Variants in EDAR observed in about 807,000 individuals in gnomAD.
EDAR encodes ectodysplasin A receptor.
Under a neutral mutation model 51.3 loss-of-function variants are expected in EDAR, and 38 were observed. The ratio of observed to expected loss-of-function variants is 0.74; its 90% CI spans 0.57 to 0.97. EDAR has a LOEUF of 0.97. EDAR is among the 50% of genes least tolerant of loss of function. EDAR has a pLI of 0.00. For missense variants in EDAR, 528 were observed against 595.0 expected, an observed-to-expected ratio of 0.89 and a Z score of 1.17; for synonymous variants, 227 against 242.1, an observed-to-expected ratio of 0.94 and a Z score of 0.58.
chr2:108,968,146 G>A (rs1041332642), intron 1 of EDAR, among the ~76,000 whole-genome samples: 14 of 152,098 alleles, frequency 9.2e-5, no homozygotes, highest in African/African-American at 2.7e-4. Context: ...GGAAGGCGCC[G>A]TCATTGTTCT....
intron 5 of EDAR, among the ~76,000 whole-genome samples, chr2:108,917,004 G>A (rs779470428): frequency 6.6e-6 from 1 of 152,190 alleles, no homozygotes; most frequent in Non-Finnish European, 1.5e-5. Flanking sequence ...CTGACAATGG[G>A]CCTCTTCCCT....
intron 11 of EDAR, among the ~76,000 whole-genome samples, chr2:108,899,721 C>T (rs966192412): frequency 6.6e-6 from 1 of 152,168 alleles, no homozygotes; most frequent in Non-Finnish European, 1.5e-5. Flanking sequence ...CACGGTGGCT[C>T]ACACCTATAA....
At chr2:108,940,627 A>T (rs1485196572) in intron 1 of EDAR, among the ~76,000 whole-genome samples, 1 of 152,264 alleles carries the variant, frequency 6.6e-6, no homozygotes, top group African/African-American at 2.4e-5. Context: ...ACACAATGTG[A>T]ATGTGGAGTC....
At chr2:108,973,781 ACAT>A (rs570217210) in intron 1 of EDAR, among the ~76,000 whole-genome samples, 79 of 152,286 alleles carry the variant, frequency 5.2e-4, no homozygotes, top group African/African-American at 1.8e-3. Context: ...AATAACGAAA[ACAT>A]CATCAGAGTT....
At chr2:108,928,046 G>A (rs1166006808) in intron 4 of EDAR, among the ~76,000 whole-genome samples, 2 of 152,104 alleles carry the variant, frequency 1.3e-5, no homozygotes, top group African/African-American at 4.8e-5. Flanking sequence ...AGCAGTCTGC[G>A]TGTTGACCTG....
chr2:108,899,725 C>A (rs976478443), intron 11 of EDAR, among the ~76,000 whole-genome samples: 1 of 152,120 alleles, frequency 6.6e-6, no homozygotes, highest in Non-Finnish European at 1.5e-5. Context: ...GTGGCTCACA[C>A]CTATAATCCA....
intron 9 of EDAR, among the ~76,000 whole-genome samples, 171 bp from the exon 10 acceptor site, chr2:108,908,190 C>G (rs1305201730): frequency 6.6e-6 from 1 of 152,030 alleles, no homozygotes; most frequent in Non-Finnish European, 1.5e-5. Context: ...GGACATGAGA[C>G]GAGACATACA....
At chr2:108,910,018 G>A (rs1048568287) in intron 9 of EDAR, among the ~76,000 whole-genome samples, 3 of 152,222 alleles carry the variant, frequency 2.0e-5, no homozygotes, top group Non-Finnish European at 4.4e-5. Context: ...CCCAGCACTT[G>A]GTGGGCAGTA....
intron 4 of EDAR, among the ~76,000 whole-genome samples, chr2:108,925,891 C>A (rs541271208): frequency 5.4e-4 from 82 of 152,250 alleles, no homozygotes; most frequent in African/African-American, 1.9e-3. Context: ...ATTGGGATTA[C>A]AGGCGTGAAC....
At chr2:108,977,429 T>A (rs260601) in intron 1 of EDAR, among the ~76,000 whole-genome samples, 3 of 151,912 alleles carry the variant, frequency 2.0e-5, no homozygotes, top group African/African-American at 7.3e-5. Context: ...CCACCATGCC[T>A]GGCTAATTTT....
Position 108,929,345 on chromosome 2 carries a change from C to T in EDAR, c.209G>A (p.Gly70Asp). ...CGYGTKDEDY[G>D]CVPCPAEKFS... ...CTTCTCCGCCGGGCAGGGGACGCAG[C>T]CGTAGTCCTCGTCTTTGGTGCCGTA... is the stretch of plus-strand genomic sequence containing the variant. The change falls in exon 4 of 12, where the codon GGC becomes GAC. Residue 70 changes from glycine to aspartate, a missense_variant. Physicochemically the swap from Gly to Asp is moderately conservative, Grantham distance 94. Coordinates refer to ENST00000258443, the MANE Select transcript of EDAR (RefSeq NM_022336.4). The T allele has an allele frequency of 1.2e-6, 2 of 1,614,160 alleles. No individual in the cohort carries two copies. Among genetic ancestry groups the T allele is most frequent in the Non-Finnish European group, 1.7e-6 (2 of 1,180,050 alleles).
In EDAR at chr2:108,929,386, A is replaced by G; in HGVS notation, c.175-7T>C. On this transcript the variant is annotated splice_polypyrimidine_tract_variant and splice_region_variant and intron_variant, in intron 3 of 11. Transcript: ENST00000258443. ...TGGTGCCGTAGCCACAGGACTGTCC[A>G]GGGAAAGAGGACAGGGGACACAGGT... 1.2e-6 allele frequency: 2 copies of G among 1,613,940 alleles called. No homozygotes were observed. Among genetic ancestry groups the G allele is most frequent in the Non-Finnish European group, 8.5e-7 (1 of 1,179,912 alleles).
intron 1 of EDAR, among the ~76,000 whole-genome samples, chr2:108,942,158 G>A (rs181898825): frequency 5.3e-5 from 8 of 152,320 alleles, no homozygotes; most frequent in Admixed American, 4.6e-4. Flanking sequence ...CCTATCCAGC[G>A]CCAGACGTGT....
intron 6 of EDAR, among the ~76,000 whole-genome samples, chr2:108,911,571 C>G (rs1696929711): frequency 6.6e-6 from 1 of 152,212 alleles, no homozygotes. Flanking sequence ...GGTGCCTCGG[C>G]TGGGCCACCT....
chr2:108,923,246 T>G lies in EDAR; in HGVS notation c.442+122A>C, dbSNP rs551050118. 1.3e-4 allele frequency: 123 copies of G among 949,396 alleles called. 2 individuals are homozygous for G. In the African/African-American group the frequency reaches 1.7e-3, roughly 13 times the overall value. The allele number at this position is 949,396 out of a possible 1,614,324, so 58.8% of individuals were successfully genotyped here. A position where few individuals can be genotyped will look rare whatever the true frequency, so the allele number is the denominator to read the frequency against. On this transcript the variant is annotated intron_variant, in intron 5 of 11. Coordinates refer to ENST00000258443, the MANE Select transcript of EDAR (RefSeq NM_022336.4). ...GGACAGGCCACAGGAGCACTTTCAC[T>G]AGTGCTGTTACTGTGATTCACCTTG...
chr2:108,913,684 G>T (rs1574374539), intron 5 of EDAR, among the ~76,000 whole-genome samples: 1 of 152,256 alleles, frequency 6.6e-6, no homozygotes, highest in East Asian at 1.9e-4. Context: ...TCTTTACGTA[G>T]TATGGGTATG....
Position 108,929,275 on chromosome 2 carries a change from A to G in EDAR, c.279T>C (p.Cys93=). ...GYQICRRHKD[C]EGFFRATVLT... is the part of the protein sequence containing the mutation. ...GCACGGTGGCCCGGAAGAAGCCCTC[A>G]CAGTCTTTGTGACGCCTGCATATCT... Residue 93 remains cysteine (C), a synonymous_variant, in exon 4 of 12, where the codon TGT becomes TGC. Coordinates refer to ENST00000258443, the MANE Select transcript of EDAR (RefSeq NM_022336.4). 1.2e-6 allele frequency: 2 copies of G among 1,614,184 alleles called. No individual in the cohort carries two copies. Among genetic ancestry groups the G allele is most frequent in the African/African-American group, 1.3e-5 (1 of 75,052 alleles).
chr2:108,945,168 A>G (rs1391368754), intron 1 of EDAR, among the ~76,000 whole-genome samples: 2 of 152,122 alleles, frequency 1.3e-5, no homozygotes, highest in Non-Finnish European at 2.9e-5. Flanking sequence ...CAACAGCTAT[A>G]GGGCACTCAG....
rs1574371520 is a variant in EDAR, at chr2:108,910,394, G to A, written c.803+66C>T. On this transcript the variant is annotated intron_variant, in intron 9 of 11. Transcript: ENST00000258443. ...TGTCAGTTCACTCGGCTGCACCCTG[G>A]TTCCCCTCCCTGCTCAGGATCCACA... 7.4e-6 allele frequency: 10 copies of A among 1,349,212 alleles called. No homozygotes were observed. In the African/African-American group the frequency reaches 1.1e-4, roughly 15 times the overall value. The allele number at this position is 1,349,212 out of a possible 1,614,324, so 83.6% of individuals were successfully genotyped here.
Sources: gnomAD v4.1 joint callset for allele counts (sites outside exome capture counted in the v4.1 genomes callset) on GRCh38, gnomAD v4.1.1 for gene constraint, MANE v1.5 for transcripts, NCBI Gene and HGNC (gene_info 2026-07-23, HGNC 2026-07-21) for gene names.